The following USP9X variants were observed in gnomAD, a reference collection of about 807,000 sequenced individuals.
USP9X encodes the protein ubiquitin specific peptidase 9 X-linked.
USP9X carries 7 observed loss-of-function variants against 190.3 expected under a neutral mutation model. The ratio of observed to expected loss-of-function variants is 0.04; its 90% CI spans 0.02 to 0.07. The LOEUF (loss-of-function observed/expected upper bound fraction) is 0.07, where lower values mean the gene tolerates loss of function less well. Ranked by LOEUF, USP9X falls within the 10% of genes least tolerant of loss-of-function variation. USP9X has a pLI of 1.00. For missense variants in USP9X, 1,010 were observed against 1,916.9 expected, an observed-to-expected ratio of 0.53 and a Z score of 8.83; for synonymous variants, 645 against 659.5, an observed-to-expected ratio of 0.98 and a Z score of 0.34.
At chrX:41,125,469 A>T (rs1601951885) in intron 2 of USP9X, among the ~76,000 whole-genome samples, 1 of 106,110 alleles carries the variant, frequency 9.4e-6, no homozygotes, top group East Asian at 2.9e-4. Context: ...TTTCATCTGG[A>T]TTTTCAAATT....
rs2063395078 is a variant in USP9X, at chrX:41,235,791, A to G, written c.*3267A>G. ...TTGTGTATACAAATTTAGAATTAAA[A>G]TGTTTTCTATTTTTTTCATGATTAA... On this transcript the variant is annotated 3_prime_UTR_variant, in exon 45 of 45. Coordinates refer to ENST00000378308, the MANE Select transcript of USP9X (RefSeq NM_001039591.3). 8.9e-6 allele frequency: 1 copy of G among 112,005 alleles called. No homozygotes were observed. Among genetic ancestry groups the G allele is most frequent in the Non-Finnish European group, 1.9e-5 (1 of 53,161 alleles). 9.2% of individuals were successfully genotyped at this position (112,005 alleles called of 1,213,427 possible). A position where few individuals can be genotyped will look rare whatever the true frequency, so the allele number is the denominator to read the frequency against.
chrX:41,085,951 G>GA lies in USP9X; in HGVS notation c.-316dup, dbSNP rs1166734479. 6.8e-6 allele frequency: 2 copies of GA among 296,213 alleles called. No individual in the cohort carries two copies. The highest frequency in any genetic ancestry group is 2.7e-5 in the African/African-American group (1 of 36,372). The allele number at this position is 296,213 out of a possible 1,213,427, so 24.4% of individuals were successfully genotyped here. ...TTTTGGTTGAGACGCCCGCAGCCCC[G>GA]AGCCCGGCCGCCGCAGCCTTTCGAT... On this transcript the variant is annotated 5_prime_UTR_variant, in exon 1 of 45. Transcript: ENST00000378308.
At chrX:41,090,580 T>C (rs1381322883) in intron 1 of USP9X, among the ~76,000 whole-genome samples, 1 of 112,529 alleles carries the variant, frequency 8.9e-6, no homozygotes, top group East Asian at 2.8e-4. Flanking sequence ...ACAAGGATTT[T>C]CTACCACCTC....
chrX:41,144,453 G>A (rs1310421455), intron 10 of USP9X, 69 bp from the exon 11 acceptor site: 2 of 840,938 alleles, frequency 2.4e-6, no homozygotes, highest in African/African-American at 4.1e-5. Context: ...TTGTCAGCAA[G>A]CAGTATACAC....
Position 41,232,367 on chromosome X carries a change from G to T in USP9X, c.7528-20G>T. On this transcript the variant is annotated intron_variant, in intron 44 of 44. Transcript: ENST00000378308. The stretch of plus-strand genomic sequence containing the variant: ...ACTATGTGAAAAGTTTTAACATACA[G>T]ATCTTTTCTCCTTTCCCAGAATAAC... The T allele has an allele frequency of 1.4e-5, 17 of 1,200,163 alleles. No individual in the cohort carries two copies. Among genetic ancestry groups the T allele is most frequent in the Non-Finnish European group, 1.9e-5 (17 of 889,786 alleles).
At chrX:41,174,183 TTAA>T (rs1276027775) in intron 21 of USP9X, among the ~76,000 whole-genome samples, 1 of 112,183 alleles carries the variant, frequency 8.9e-6, no homozygotes, top group African/African-American at 3.2e-5. Flanking sequence ...ATGAAATCAC[TTAA>T]TGATGCATTT....
intron 13 of USP9X, among the ~76,000 whole-genome samples, chrX:41,152,198 T>G (rs1252991348): frequency 8.9e-6 from 1 of 111,861 alleles, no homozygotes; most frequent in Non-Finnish European, 1.9e-5. Context: ...AGATAAACAC[T>G]GTAAGAAATT....
At chrX:41,205,255 C>T (rs781767619) in intron 31 of USP9X, 48 bp from the exon 32 acceptor site, 27 of 973,555 alleles carry the variant, frequency 2.8e-5, no homozygotes, top group South Asian at 2.3e-4. Context: ...TTTGTCTCAA[C>T]GTATTTTATT....
At position 41,216,168 on chromosome X, in the gene USP9X, T is replaced by A. The variant is rs2063210206; in HGVS notation, c.5601T>A (p.Gly1867=). 8.3e-7 allele frequency: 1 copy of A among 1,211,586 alleles called. No individual in the cohort carries two copies. Among genetic ancestry groups the A allele is most frequent in the African/African-American group, 1.7e-5 (1 of 57,690 alleles). The change falls in exon 35 of 45, where the codon GGT becomes GGA. Residue 1867 remains glycine, a synonymous_variant. Transcript: ENST00000378308. ...TAGSTKYRLV[G]VLVHSGQASG... ...GAAGCACAAAATACAGACTTGTGGG[T>A]GTGCTCGTACACAGTGGTCAAGCGA...
At chrX:41,197,814 C>T (rs2063000223) in intron 29 of USP9X, among the ~76,000 whole-genome samples, 2 of 108,775 alleles carry the variant, frequency 1.8e-5, no homozygotes, top group African/African-American at 6.7e-5. Context: ...AGTTGAAGAC[C>T]AGCCTGGGCA....
At chrX:41,158,894 A>T (rs2062603396) in intron 14 of USP9X, among the ~76,000 whole-genome samples, 1 of 112,103 alleles carries the variant, frequency 8.9e-6, no homozygotes, top group Non-Finnish European at 1.9e-5. Flanking sequence ...GCCTCTTTTC[A>T]ATATAGAAAG....
intron 44 of USP9X, 114 bp from the exon 45 acceptor site, chrX:41,232,273 A>T: frequency 1.2e-6 from 1 of 846,791 alleles, no homozygotes; most frequent in Non-Finnish European, 1.6e-6. Flanking sequence ...AAGGGTATTT[A>T]CAGAGTAAGT....
At chrX:41,197,740 T>C (rs1395662073) in intron 29 of USP9X, among the ~76,000 whole-genome samples, 1 of 111,577 alleles carries the variant, frequency 9.0e-6, no homozygotes, top group African/African-American at 3.3e-5. Flanking sequence ...CTGGACTTGC[T>C]GGCCTCATGC....
Position 41,232,530 on chromosome X carries a change from A to C in USP9X, c.*6A>C. 2.5e-6 allele frequency: 3 copies of C among 1,209,411 alleles called. No homozygotes were observed. The South Asian group carries it at 5.3e-5, about 21-fold the overall frequency. On this transcript the variant is annotated 3_prime_UTR_variant, in exon 45 of 45. Transcript: ENST00000378308. Reference sequence around the variant, plus strand: ...CTCAAACCAAGGATCAATGAAATGCACATAATTAACTGGTTCCATCAAGAC... The same window carrying C: ...CTCAAACCAAGGATCAATGAAATGCCCATAATTAACTGGTTCCATCAAGAC...
intron 1 of USP9X, among the ~76,000 whole-genome samples, chrX:41,119,341 C>A (rs1215631287): frequency 1.4e-4 from 16 of 110,708 alleles, no homozygotes; most frequent in East Asian, 5.7e-4. Flanking sequence ...ACAACAACAA[C>A]AAAAAACCCA....
In USP9X at chrX:41,170,222, TAAAAG is replaced by T; in HGVS notation, c.2866_2870del (p.Lys956Ter). On this transcript the variant is annotated frameshift_variant, in exon 19 of 45. Transcript: ENST00000378308. LOFTEE classifies it high-confidence loss of function. Reference sequence around the variant, plus strand: ...AGAAAGTTGATTGGACAATTAAACTTAAAAGATAAATCGGTATGTATGTATAGTTA... The same window carrying T: ...AGAAAGTTGATTGGACAATTAAACTTATAAATCGGTATGTATGTATAGTTA... 8.3e-7 allele frequency: 1 copy of T among 1,209,784 alleles called. No individual in the cohort carries two copies.
Position 41,113,429 on chromosome X carries a change from C to T in USP9X, c.-158-10042C>T, listed in dbSNP as rs1233891770. The stretch of plus-strand genomic sequence containing the variant: ...GTTAGCCAGGATGGTCTCCAACTCC[C>T]GATTTGTGATCTGCCCGCCTCGGCC... On this transcript the variant is annotated intron_variant, in intron 1 of 44. Transcript: ENST00000378308. Among the ~76,000 whole-genome samples, 5 of 110,906 alleles carry T rather than the reference C, an allele frequency of 4.5e-5. No homozygotes were observed. The Admixed American group carries it at 4.8e-4, about 11-fold the overall frequency.
At chrX:41,219,458 T>A (rs1172843280) in intron 38 of USP9X, among the ~76,000 whole-genome samples, 1 of 109,280 alleles carries the variant, frequency 9.2e-6, no homozygotes, top group Non-Finnish European at 1.9e-5. Flanking sequence ...TTTTTTTTTT[T>A]AATCTCCTAA....
chrX:41,111,272 A>G (rs980139645), intron 1 of USP9X, among the ~76,000 whole-genome samples: 1 of 111,826 alleles, frequency 8.9e-6, no homozygotes, highest in Non-Finnish European at 1.9e-5. Flanking sequence ...GTGAAGATAC[A>G]GTAAGAAGAT....
Sources: allele counts gnomAD v4.1 joint callset (sites outside exome capture counted in the v4.1 genomes callset), GRCh38; gene constraint gnomAD v4.1.1; transcripts MANE v1.5; gene names NCBI Gene and HGNC (gene_info 2026-07-23, HGNC 2026-07-21).